KCNB2: variants seen among roughly 807,000 people sequenced by gnomAD.
The protein encoded by KCNB2 is potassium voltage-gated channel subfamily B member 2.
Under a neutral mutation model 61.5 loss-of-function variants are expected in KCNB2, and 15 were observed. That is an observed-to-expected ratio of 0.24 (90% CI 0.16 to 0.38). The LOEUF (loss-of-function observed/expected upper bound fraction) is 0.38. Ranked by LOEUF, KCNB2 falls within the 10% of genes least tolerant of loss-of-function variation. KCNB2 has a pLI of 1.00. For synonymous variants in KCNB2, 457 were observed against 446.0 expected (o/e 1.02, Z -0.31); for missense variants, 828 against 1,125.2 (o/e 0.74, Z 3.78).
intron 2 of KCNB2, among the ~76,000 whole-genome samples, chr8:72,854,561 G>A (rs536532573): frequency 1.4e-4 from 22 of 152,250 alleles, no homozygotes; most frequent in Admixed American, 5.9e-4. Flanking sequence ...AAACATATAC[G>A]ACACCTGCCC....
At chr8:72,619,727 A>G (rs1313550425) in intron 2 of KCNB2, among the ~76,000 whole-genome samples, 2 of 152,158 alleles carry the variant, frequency 1.3e-5, no homozygotes, top group African/African-American at 4.8e-5. Flanking sequence ...ATCATCCACA[A>G]AAAAAGAGTT....
At chr8:72,673,163 G>A (rs899445786) in intron 2 of KCNB2, among the ~76,000 whole-genome samples, 1 of 152,166 alleles carries the variant, frequency 6.6e-6, no homozygotes, top group African/African-American at 2.4e-5. Flanking sequence ...AAAAAGCCCA[G>A]ATTTCCACTA....
intron 2 of KCNB2, among the ~76,000 whole-genome samples, chr8:72,829,351 G>T (rs1809650749): frequency 6.6e-6 from 1 of 152,138 alleles, no homozygotes; most frequent in Non-Finnish European, 1.5e-5. Flanking sequence ...TCAGTAAATG[G>T]TAGATACACT....
At chr8:72,657,650 C>T (rs1304819815) in intron 2 of KCNB2, among the ~76,000 whole-genome samples, 1 of 152,092 alleles carries the variant, frequency 6.6e-6, no homozygotes, top group Non-Finnish European at 1.5e-5. Context: ...ATTGTATACT[C>T]ACTCAACTAC....
At chr8:72,816,548 C>A (rs1809399751) in intron 2 of KCNB2, among the ~76,000 whole-genome samples, 6 of 152,192 alleles carry the variant, frequency 3.9e-5, no homozygotes, top group Admixed American at 3.9e-4. Flanking sequence ...CAGATGAATT[C>A]AATGGTAATA....
intron 2 of KCNB2, among the ~76,000 whole-genome samples, chr8:72,680,518 A>T (rs1049134770): frequency 6.6e-5 from 10 of 152,158 alleles, no homozygotes; most frequent in African/African-American, 2.2e-4. Context: ...GGTGAATCCT[A>T]TATGGGCTGC....
chr8:72,661,976 G>A (rs1472263625), intron 2 of KCNB2, among the ~76,000 whole-genome samples: 1 of 152,150 alleles, frequency 6.6e-6, no homozygotes, highest in South Asian at 2.1e-4. Context: ...TTCCATTAAA[G>A]TTGACTAAAG....
At chr8:72,721,325 G>A (rs1270824916) in intron 2 of KCNB2, among the ~76,000 whole-genome samples, 1 of 152,180 alleles carries the variant, frequency 6.6e-6, no homozygotes, top group Non-Finnish European at 1.5e-5. Flanking sequence ...GCTGAATGGT[G>A]ATAATGTGGA....
chr8:72,745,731 C>G (rs1196404532), intron 2 of KCNB2, among the ~76,000 whole-genome samples: 2 of 152,106 alleles, frequency 1.3e-5, no homozygotes, highest in Admixed American at 6.6e-5. Flanking sequence ...GATCTCTGAT[C>G]TCCAGCCCCT....
intron 2 of KCNB2, among the ~76,000 whole-genome samples, chr8:72,601,838 G>A (rs554049407): frequency 3.0e-4 from 45 of 152,140 alleles, no homozygotes; most frequent in Non-Finnish European, 6.3e-4. Flanking sequence ...TATCACCCAA[G>A]CAGTATTTCA....
intron 2 of KCNB2, among the ~76,000 whole-genome samples, chr8:72,874,245 C>G (rs16938458): frequency 0.31 from 46,606 of 152,070 alleles, 11,009 homozygotes; most frequent in African/African-American, 0.66. Context: ...AAAATCTTAG[C>G]TGTAACTTTG....
At chr8:72,722,217 C>T (rs1028786602) in intron 2 of KCNB2, among the ~76,000 whole-genome samples, 3 of 152,218 alleles carry the variant, frequency 2.0e-5, no homozygotes, top group Non-Finnish European at 4.4e-5. Context: ...CCTCACCAAC[C>T]TTCCTGCACA....
intron 2 of KCNB2, among the ~76,000 whole-genome samples, chr8:72,901,275 C>T: frequency 6.6e-6 from 1 of 152,050 alleles, no homozygotes; most frequent in East Asian, 1.9e-4. Context: ...TATCTGAGGG[C>T]AGTAACAATG....
intron 2 of KCNB2, among the ~76,000 whole-genome samples, chr8:72,685,806 A>G (rs1806840645): frequency 2.0e-5 from 3 of 152,184 alleles, no homozygotes; most frequent in African/African-American, 4.8e-5. Flanking sequence ...CCTGACCAAC[A>G]TGGAGAAACC....
At chr8:72,850,221 A>ATG (rs1554538718) in intron 2 of KCNB2, among the ~76,000 whole-genome samples, 16 of 12,310 alleles carry the variant, frequency 1.3e-3, no homozygotes, top group East Asian at 2.4e-3. Context: ...GTGTGTGTGT[A>ATG]TGTGTGTGTG....
At chr8:72,775,360 G>A (rs1055865626) in intron 2 of KCNB2, among the ~76,000 whole-genome samples, 13 of 152,166 alleles carry the variant, frequency 8.5e-5, no homozygotes, top group Non-Finnish European at 1.8e-4. Context: ...AAAGCCATCT[G>A]CGGCCAGATT....
intron 2 of KCNB2, among the ~76,000 whole-genome samples, chr8:72,909,897 T>C (rs1198002889): frequency 6.6e-6 from 1 of 152,124 alleles, no homozygotes; most frequent in Non-Finnish European, 1.5e-5. Flanking sequence ...GTGAATTCTA[T>C]TTGAGGTATG....
chr8:72,817,616 A>G (rs776007269), intron 2 of KCNB2, among the ~76,000 whole-genome samples: 13 of 152,182 alleles, frequency 8.5e-5, no homozygotes, highest in African/African-American at 4.8e-5. Flanking sequence ...TAAACTCTGC[A>G]GTAGTCAGTT....
chr8:72,927,654 T>C (rs1228813619), intron 2 of KCNB2, among the ~76,000 whole-genome samples: 1 of 152,250 alleles, frequency 6.6e-6, no homozygotes, highest in African/African-American at 2.4e-5. Context: ...CAATTGGTTG[T>C]GCAAGTTGTG....
Sources: allele counts gnomAD v4.1 joint callset (sites outside exome capture counted in the v4.1 genomes callset), GRCh38; gene constraint gnomAD v4.1.1; transcripts MANE v1.5; gene names NCBI Gene and HGNC (gene_info 2026-07-23, HGNC 2026-07-21).